The following B3GALT5 variants were observed in gnomAD, a reference collection of about 807,000 sequenced individuals.
B3GALT5 encodes UDP-Gal:betaGlcNAc beta 1,3-galactosyltransferase, polypeptide 5.
For missense variants in B3GALT5, 328 were observed against 396.6 expected (o/e 0.83, Z 1.47); for synonymous variants, 156 against 158.6 (o/e 0.98, Z 0.12).
chr21:39,644,172 G>T (rs913972093), intron 1 of B3GALT5, among the ~76,000 whole-genome samples: 4 of 152,126 alleles, frequency 2.6e-5, no homozygotes, highest in Non-Finnish European at 5.9e-5. Flanking sequence ...TGTACATAAG[G>T]TAACGTAGAC....
At chr21:39,630,651 T>A (rs1395494014) in intron 1 of B3GALT5, among the ~76,000 whole-genome samples, 1 of 152,202 alleles carries the variant, frequency 6.6e-6, no homozygotes, top group Admixed American at 6.5e-5. Flanking sequence ...TCTTTCACAT[T>A]AAATTGAGTG....
At chr21:39,630,127 A>G (rs538809140) in intron 1 of B3GALT5, 1 of 152,344 alleles carries the variant, frequency 6.6e-6, no homozygotes, top group African/African-American at 2.4e-5. Context: ...GATACCTGTG[A>G]AAAAACTGAC....
At chr21:39,648,316 A>G (rs1047102179) in intron 2 of B3GALT5, among the ~76,000 whole-genome samples, 4 of 151,752 alleles carry the variant, frequency 2.6e-5, no homozygotes, top group South Asian at 2.1e-4. Flanking sequence ...TAAAAAAAAA[A>G]TAGAGCTTCA....
intron 2 of B3GALT5, chr21:39,657,795 C>T (rs1030376491): frequency 9.6e-6 from 11 of 1,142,098 alleles, no homozygotes; most frequent in Non-Finnish European, 2.2e-6. Context: ...AGAACCCTGA[C>T]TAATACACCT....
intron 1 of B3GALT5, among the ~76,000 whole-genome samples, chr21:39,623,260 T>C (rs1200615297): frequency 7.6e-6 from 1 of 131,474 alleles, no homozygotes; most frequent in Non-Finnish European, 1.6e-5. Context: ...CCTTCCTTCC[T>C]TCCTTCCTTC....
At chr21:39,642,883 A>AG (rs1569213889) in intron 1 of B3GALT5, among the ~76,000 whole-genome samples, 1 of 142,708 alleles carries the variant, frequency 7.0e-6, no homozygotes, top group Non-Finnish European at 1.5e-5. Flanking sequence ...CAAAAAAAAA[A>AG]AAAAAAAAGA....
rs988436761 is a variant in B3GALT5 at position 39,645,595 on chromosome 21, C to T, written c.-391-797C>T. Among the ~76,000 whole-genome samples the T allele has an allele frequency of 2.0e-5, 3 of 152,298 alleles. No homozygotes were observed. In the South Asian group the frequency reaches 6.2e-4, roughly 32 times the overall value. ...CACGTGGTGTCTCCCCATTTCACAT[C>T]TGTGTGAGGTGGCTTGGACACACTG... On this transcript the variant is annotated intron_variant, in intron 1 of 3. Transcript: ENST00000684187.
chr21:39,621,032 A>G (rs1185172108), intron 1 of B3GALT5, among the ~76,000 whole-genome samples: 12 of 152,194 alleles, frequency 7.9e-5, no homozygotes, highest in Admixed American at 3.3e-4. Flanking sequence ...TGGGAGACCA[A>G]AGCAGGAGGA....
At position 39,663,523 on chromosome 21, in the gene B3GALT5, G is replaced by T. The variant is rs546105884; in HGVS notation, c.*2031G>T. On this transcript the variant is annotated 3_prime_UTR_variant, in exon 4 of 4. Coordinates refer to ENST00000684187, the MANE Select transcript of B3GALT5 (RefSeq NM_001356336.2). ...GACAGGGTCTCACCCTGTCACCCAA[G>T]CTGGAGCGTAGTGGCCTGATCTCGC... 2.1e-5 allele frequency: 3 copies of T among 142,696 alleles called. No individual in the cohort carries two copies. The South Asian group carries it at 7.2e-4, about 34-fold the overall frequency. The allele number at this position is 142,696 out of a possible 1,614,324, so 8.8% of individuals were successfully genotyped here.
rs982208350 is a variant in B3GALT5, at chr21:39,614,922, T to G, written c.-392+1855T>G. On this transcript the variant is annotated intron_variant, in intron 1 of 3. Coordinates refer to ENST00000684187, the MANE Select transcript of B3GALT5 (RefSeq NM_001356336.2). ...ACTTTGAAAAGCTGCCTGGGCTTTA[T>G]CAGCCTCTCTCCCCGGGTGACCGGG... Among the ~76,000 whole-genome samples, 56 of 152,232 alleles carry G rather than the reference T, an allele frequency of 3.7e-4. 1 individual carries two copies. Among genetic ancestry groups the G allele is most frequent in the Admixed American group, 3.7e-3 (56 of 15,292 alleles).
At position 39,640,373 on chromosome 21, in the gene B3GALT5, T is replaced by A. The variant is rs79974474; in HGVS notation, c.-391-6019T>A. Among the ~76,000 whole-genome samples the A allele has an allele frequency of 2.3e-3, 355 of 152,268 alleles. 3 individuals carry two copies. The highest frequency in any genetic ancestry group is 0.022 in the East Asian group (113 of 5,154). On this transcript the variant is annotated intron_variant, in intron 1 of 3. Transcript: ENST00000684187. ...GCTGCTTAGGAGCCTAGTTGCATCC[T>A]TCCCTGCTCCTGAGACCCCTTTCTC...
chr21:39,647,647 C>A (rs1006737005), intron 2 of B3GALT5, among the ~76,000 whole-genome samples: 4 of 152,116 alleles, frequency 2.6e-5, no homozygotes, highest in Non-Finnish European at 1.5e-5. Flanking sequence ...CATGTCCGGC[C>A]CCTTGTTTAA....
intron 1 of B3GALT5, among the ~76,000 whole-genome samples, chr21:39,638,840 C>A (rs1386940170): frequency 6.6e-6 from 1 of 152,170 alleles, no homozygotes; most frequent in Non-Finnish European, 1.5e-5. Context: ...CGAGTCACTC[C>A]CCCATCACAC....
intron 1 of B3GALT5, among the ~76,000 whole-genome samples, chr21:39,645,204 A>T (rs1339914699): frequency 1.3e-5 from 2 of 152,178 alleles, no homozygotes; most frequent in East Asian, 3.9e-4. Context: ...CTTGGTAACC[A>T]CAGGCAGCGG....
chr21:39,659,933 A>G (rs898709166), intron 3 of B3GALT5, 21 bp downstream of exon 3: 1 of 983,424 alleles, frequency 1.0e-6, no homozygotes, highest in East Asian at 1.1e-4. Context: ...CGCTTTCTTA[A>G]TGTTATAACG....
intron 1 of B3GALT5, among the ~76,000 whole-genome samples, chr21:39,618,573 CT>C (rs2079118910): frequency 6.6e-6 from 1 of 152,266 alleles, no homozygotes; most frequent in East Asian, 1.9e-4. Flanking sequence ...TATTATGTAT[CT>C]CAGCCATTTG....
At chr21:39,615,729 T>G (rs997150271) in intron 1 of B3GALT5, among the ~76,000 whole-genome samples, 4 of 152,222 alleles carry the variant, frequency 2.6e-5, no homozygotes, top group Non-Finnish European at 4.4e-5. Flanking sequence ...ATAATAGTAC[T>G]TATTTCATAG....
intron 1 of B3GALT5, among the ~76,000 whole-genome samples, chr21:39,621,475 GT>G (rs920549477): frequency 7.0e-4 from 101 of 143,816 alleles, no homozygotes; most frequent in Middle Eastern, 3.6e-3. Context: ...GCACAAAAAG[GT>G]TTTTTTTTTT....
intron 1 of B3GALT5, among the ~76,000 whole-genome samples, chr21:39,639,027 A>G (rs1411181340): frequency 6.6e-6 from 1 of 152,188 alleles, no homozygotes; most frequent in African/African-American, 2.4e-5. Flanking sequence ...AAAACTGCTA[A>G]TGGGACATTG....
Sources: gnomAD v4.1 joint callset for allele counts (sites outside exome capture counted in the v4.1 genomes callset) on GRCh38, gnomAD v4.1.1 for gene constraint, MANE v1.5 for transcripts, NCBI Gene and HGNC (gene_info 2026-07-23, HGNC 2026-07-21) for gene names.